The following ZBTB20 variants were observed in gnomAD, a reference collection of about 807,000 sequenced individuals.
The protein encoded by ZBTB20 is zinc finger and BTB domain-containing protein 20.
Under a neutral mutation model 56.9 loss-of-function variants are expected in ZBTB20, and 9 were observed. That is an observed-to-expected ratio of 0.16 (90% CI 0.10 to 0.28). ZBTB20 has a LOEUF of 0.28. ZBTB20 is among the 10% of genes least tolerant of loss of function. The pLI is 1.00. For synonymous variants in ZBTB20, 417 were observed against 420.7 expected, an observed-to-expected ratio of 0.99 and a Z score of 0.11; for missense variants, 655 against 1,003.0, an observed-to-expected ratio of 0.65 and a Z score of 4.69.
rs2080653424 is a variant in ZBTB20 at position 114,351,333 on chromosome 3, C to T, written c.745G>A (p.Ala249Thr). The T allele has an allele frequency of 2.5e-6, 4 of 1,608,616 alleles. No individual in the cohort carries two copies. Among genetic ancestry groups the T allele is most frequent in the Non-Finnish European group, 1.7e-6 (2 of 1,179,138 alleles). Residue 249 changes from alanine (A) to threonine (T), a missense_variant, in exon 11 of 12, where the codon GCG becomes ACG. Ala to Thr is a moderately conservative substitution (Grantham distance 58). Transcript: ENST00000675478. ...SVDRIYSALY[A>T]CSMQNGSGER... The stretch of plus-strand genomic sequence containing the variant: ...CCGCTGCCATTCTGCATGGAGCACG[C>T]GTAGAGTGCCGAGTAGATCCTGTCC...
intron 6 of ZBTB20, among the ~76,000 whole-genome samples, chr3:114,647,393 C>T (rs551786355): frequency 6.6e-6 from 1 of 152,314 alleles, no homozygotes; most frequent in East Asian, 1.9e-4. Context: ...TTTCTTTCCT[C>T]TCTCTATCTC....
At chr3:115,043,410 A>C (rs1186684342) in intron 2 of ZBTB20, among the ~76,000 whole-genome samples, 9 of 151,036 alleles carry the variant, frequency 6.0e-5, no homozygotes, top group African/African-American at 2.2e-4. Flanking sequence ...AACTAAAAAA[A>C]AAAAAAAAAT....
At chr3:114,811,629 T>C (rs1241667213) in intron 4 of ZBTB20, among the ~76,000 whole-genome samples, 1 of 152,226 alleles carries the variant, frequency 6.6e-6, no homozygotes, top group Non-Finnish European at 1.5e-5. Flanking sequence ...AACATAATAC[T>C]TCACTTTTAC....
intron 6 of ZBTB20, among the ~76,000 whole-genome samples, chr3:114,625,179 T>G (rs1349714189): frequency 6.6e-6 from 1 of 151,524 alleles, no homozygotes; most frequent in African/African-American, 2.4e-5. Flanking sequence ...AAGCGCCTCA[T>G]CAGCTCTGGG....
chr3:114,603,471 AT>A (rs1326671548), intron 6 of ZBTB20, among the ~76,000 whole-genome samples: 3 of 152,018 alleles, frequency 2.0e-5, no homozygotes, highest in Non-Finnish European at 4.4e-5. Context: ...AAAAGAAAAC[AT>A]TAGTAAATTT....
intron 6 of ZBTB20, among the ~76,000 whole-genome samples, chr3:114,690,749 CAT>C (rs545248153): frequency 4.6e-4 from 70 of 152,214 alleles, no homozygotes; most frequent in Middle Eastern, 3.4e-3. Flanking sequence ...ATACCCATCA[CAT>C]GTTTTCCATG....
At chr3:114,592,850 C>T (rs1243117686) in intron 6 of ZBTB20, among the ~76,000 whole-genome samples, 1 of 152,032 alleles carries the variant, frequency 6.6e-6, no homozygotes, top group Non-Finnish European at 1.5e-5. Context: ...ACATTTTCTA[C>T]CTGCCTTGTC....
At chr3:114,363,299 G>A (rs1448354020) in intron 10 of ZBTB20, among the ~76,000 whole-genome samples, 1 of 152,142 alleles carries the variant, frequency 6.6e-6, no homozygotes, top group Non-Finnish European at 1.5e-5. Flanking sequence ...ACTATCTGCC[G>A]AGAGAGCCAG....
intron 6 of ZBTB20, among the ~76,000 whole-genome samples, chr3:114,652,123 T>A (rs1196612322): frequency 6.6e-6 from 1 of 152,080 alleles, no homozygotes; most frequent in African/African-American, 2.4e-5. Flanking sequence ...TGTATAAATA[T>A]GTATATATAA....
intron 8 of ZBTB20, among the ~76,000 whole-genome samples, chr3:114,386,776 A>G (rs1324035353): frequency 6.6e-6 from 1 of 152,064 alleles, no homozygotes; most frequent in Non-Finnish European, 1.5e-5. Context: ...TTGGGGGTAG[A>G]ATGGGGTGGC....
At chr3:115,053,925 CA>C (rs1243652179) in intron 2 of ZBTB20, among the ~76,000 whole-genome samples, 4 of 152,016 alleles carry the variant, frequency 2.6e-5, no homozygotes, top group African/African-American at 9.7e-5. Flanking sequence ...CATTATATTG[CA>C]AAAAACTCTC....
At chr3:114,583,987 T>A (rs552260566) in intron 6 of ZBTB20, among the ~76,000 whole-genome samples, 3 of 152,208 alleles carry the variant, frequency 2.0e-5, no homozygotes, top group Non-Finnish European at 4.4e-5. Flanking sequence ...AAAATTCACA[T>A]ACATTCACAT....
At chr3:115,138,708 G>A (rs1156970330) in intron 1 of ZBTB20, among the ~76,000 whole-genome samples, 1 of 152,006 alleles carries the variant, frequency 6.6e-6, no homozygotes, top group Non-Finnish European at 1.5e-5. Context: ...CTGTCTCACG[G>A]GATTGTGGAA....
intron 3 of ZBTB20, among the ~76,000 whole-genome samples, chr3:114,962,773 T>G (rs2077502772): frequency 6.6e-6 from 1 of 152,064 alleles, no homozygotes; most frequent in African/African-American, 2.4e-5. Context: ...ATCAATTTCA[T>G]AAATAAAAGG....
chr3:115,071,765 G>A (rs977963249), intron 1 of ZBTB20, among the ~76,000 whole-genome samples: 10 of 152,170 alleles, frequency 6.6e-5, no homozygotes, highest in African/African-American at 2.4e-4. Flanking sequence ...CTGAGAGCCT[G>A]TCTCTCTATG....
chr3:115,123,179 G>C (rs966689150), intron 1 of ZBTB20, among the ~76,000 whole-genome samples: 1 of 152,058 alleles, frequency 6.6e-6, no homozygotes, highest in Non-Finnish European at 1.5e-5. Context: ...GCAAAGATGA[G>C]AAATATTAGG....
intron 2 of ZBTB20, among the ~76,000 whole-genome samples, chr3:114,995,718 G>C (rs1211822860): frequency 6.6e-6 from 1 of 151,706 alleles, no homozygotes; most frequent in Non-Finnish European, 1.5e-5. Flanking sequence ...TTCATTTAGT[G>C]CTATCCCAAA....
intron 4 of ZBTB20, among the ~76,000 whole-genome samples, chr3:114,822,456 C>A (rs1323701911): frequency 6.6e-6 from 1 of 151,640 alleles, no homozygotes; most frequent in African/African-American, 2.4e-5. Context: ...TCAGGAAATG[C>A]CGCTAGTTCC....
chr3:114,457,410 T>G (rs1051960402), intron 7 of ZBTB20, among the ~76,000 whole-genome samples: 1 of 152,188 alleles, frequency 6.6e-6, no homozygotes, highest in Non-Finnish European at 1.5e-5. Context: ...GCTGAGTGTG[T>G]TATATTCAAA....
Sources: gnomAD v4.1 joint callset for allele counts (sites outside exome capture counted in the v4.1 genomes callset) on GRCh38, gnomAD v4.1.1 for gene constraint, MANE v1.5 for transcripts, NCBI Gene and HGNC (gene_info 2026-07-23, HGNC 2026-07-21) for gene names.